BRD1: variants seen among roughly 807,000 people sequenced by gnomAD.
The protein encoded by BRD1 is bromodomain-containing protein 1.
Under a neutral mutation model 107.7 loss-of-function variants are expected in BRD1, and 24 were observed. The observed-to-expected ratio is 0.22, with a 90% CI of 0.16 to 0.31. The LOEUF is 0.31. Among genes scored for constraint, BRD1 ranks in the 10% least tolerant of loss-of-function variants. BRD1 has a pLI of 1.00. For synonymous variants in BRD1, 744 were observed against 686.1 expected (o/e 1.08, Z -1.32); for missense variants, 1,279 against 1,638.6 (o/e 0.78, Z 3.79).
At chr22:49,780,555 C>G (rs1345055219) in intron 8 of BRD1, among the ~76,000 whole-genome samples, 4 of 152,082 alleles carry the variant, frequency 2.6e-5, no homozygotes, top group African/African-American at 9.7e-5. Flanking sequence ...AGCCAAGAAG[C>G]CAGACCAGGA....
At chr22:49,820,437 C>A (rs983191795) in intron 2 of BRD1, among the ~76,000 whole-genome samples, 1 of 152,046 alleles carries the variant, frequency 6.6e-6, no homozygotes, top group Non-Finnish European at 1.5e-5. Flanking sequence ...GGCTGCACAT[C>A]AAGAAGCTTC....
rs975276999 is a variant in BRD1, at chr22:49,821,723, C to T, written c.1367+1228G>A. On this transcript the variant is annotated intron_variant, in intron 2 of 12. Coordinates refer to ENST00000404760, the MANE Select transcript of BRD1 (RefSeq NM_001304808.3). The stretch of plus-strand genomic sequence containing the variant: ...CGCCCGATGCAGCTCAGCCTGCATG[C>T]GTCCCACCTGTGCTGTCCTCCCCTC... Among the ~76,000 whole-genome samples, 4 of 152,308 alleles carry T rather than the reference C, an allele frequency of 2.6e-5. No homozygotes were observed. In the South Asian group the frequency reaches 6.2e-4, roughly 24 times the overall value.
At position 49,792,001 on chromosome 22, in the gene BRD1, T is replaced by C. The variant is rs114164703; in HGVS notation, c.2359+2033A>G. On this transcript the variant is annotated intron_variant, in intron 7 of 12. Transcript: ENST00000404760. This position sits in a 1 kb window ranked among gnomAD's most constrained non-coding sequence, Gnocchi z 4.2. ...GAGCTACAAAGCAACAAAAATGGTC[T>C]CCAAAGGCTCCTGCTAAGCGTTGGG... 0.028 allele frequency among the ~76,000 whole-genome samples: 4,320 copies of C among 152,154 alleles called. 225 individuals are homozygous for C. Among genetic ancestry groups the C allele is most frequent in the African/African-American group, 0.099 (4,104 of 41,482 alleles).
Position 49,824,059 on chromosome 22 carries a change from A to C in BRD1, c.259T>G (p.Leu87Val), listed in dbSNP as rs2060118741. The C allele has an allele frequency of 6.2e-7, 1 of 1,613,980 alleles. No individual in the cohort carries two copies. Among genetic ancestry groups the C allele is most frequent in the Non-Finnish European group, 8.5e-7 (1 of 1,180,038 alleles). Residue 87 changes from leucine (L) to valine (V), a missense_variant, in exon 2 of 13, where the codon TTA (leucine) becomes GTA (valine). This residue lies in a region of BRD1 where 223 missense variants were observed against 263.5 expected (regional missense o/e 0.85). Coordinates refer to ENST00000404760, the MANE Select transcript of BRD1 (RefSeq NM_001304808.3). The surrounding 1 kb of genome is among the most constrained non-coding windows in gnomAD (Gnocchi z 5.9). ...KENSERPPVC[L>V]RTKRHKNNRV... is the part of the protein sequence containing the mutation. ...TTGTTTTTGTGACGCTTAGTTCTTA[A>C]GCAGACAGGAGGCCGCTCGCTGTTT...
intron 5 of BRD1, 32 bp from the exon 6 acceptor site, chr22:49,798,149 A>G: frequency 6.4e-7 from 1 of 1,553,970 alleles, no homozygotes; most frequent in Non-Finnish European, 8.8e-7. Flanking sequence ...AATCATTTAC[A>G]AACTAAAACA....
intron 2 of BRD1, among the ~76,000 whole-genome samples, chr22:49,809,253 A>G (rs2059804029): frequency 6.6e-6 from 1 of 151,962 alleles, no homozygotes; most frequent in Non-Finnish European, 1.5e-5. Flanking sequence ...TTAAAATTCC[A>G]GTTTTAGGCC....
chr22:49,796,610 G>A (rs554188634), intron 6 of BRD1, among the ~76,000 whole-genome samples: 3 of 152,270 alleles, frequency 2.0e-5, no homozygotes, highest in East Asian at 1.9e-4. Context: ...CACCCGCCTC[G>A]GTATCCCAAA....
intron 9 of BRD1, 139 bp downstream of exon 9, chr22:49,777,538 AG>A: frequency 8.6e-6 from 10 of 1,156,288 alleles, no homozygotes; most frequent in Non-Finnish European, 1.2e-5. Flanking sequence ...CCACAAGGGC[AG>A]AGCACACATG....
intron 2 of BRD1, among the ~76,000 whole-genome samples, chr22:49,808,043 G>C (rs1177787502): frequency 6.6e-6 from 1 of 152,184 alleles, no homozygotes; most frequent in Non-Finnish European, 1.5e-5. Flanking sequence ...AAAAATGTTG[G>C]TAAGGATGTG....
intron 8 of BRD1, among the ~76,000 whole-genome samples, chr22:49,785,605 A>G (rs1055246460): frequency 2.6e-5 from 4 of 152,374 alleles, no homozygotes; most frequent in Non-Finnish European, 1.5e-5. Context: ...TGAGTCAAGG[A>G]CATCTATTCT....
At chr22:49,822,501 C>T (rs1038376829) in intron 2 of BRD1, among the ~76,000 whole-genome samples, 1 of 149,962 alleles carries the variant, frequency 6.7e-6, no homozygotes, top group Non-Finnish European at 1.5e-5. Context: ...TGAGGTCAGG[C>T]GTTTGAGACC....
chr22:49,823,027 T>C lies in BRD1; in HGVS notation c.1291A>G (p.Lys431Glu). The change falls in exon 2 of 13, where the codon AAA (lysine) becomes GAA (glutamate). Residue 431 changes from lysine to glutamate, a missense_variant. Coordinates refer to ENST00000404760, the MANE Select transcript of BRD1 (RefSeq NM_001304808.3). Reference protein sequence around the residue: ...RSTSKVRKKAKKAKKALAEPC... With the variant: ...RSTSKVRKKAEKAKKALAEPC... ...TCAGCCAGAGCTTTCTTAGCCTTTTTTGCCTTCTTCCTGACCTTGGATGTG... is the reference window on the plus strand; with the variant it reads ...TCAGCCAGAGCTTTCTTAGCCTTTTCTGCCTTCTTCCTGACCTTGGATGTG... 1 of 1,614,244 alleles carries C rather than the reference T, an allele frequency of 6.2e-7. No homozygotes were observed. The highest frequency in any genetic ancestry group is 8.5e-7 in the Non-Finnish European group (1 of 1,180,048).
At chr22:49,818,399 A>C (rs918369659) in intron 2 of BRD1, 1 of 1,169,370 alleles carries the variant, frequency 8.6e-7, no homozygotes, top group South Asian at 1.6e-5. Context: ...AGTTTTGTTA[A>C]ACAGATTATG....
intron 12 of BRD1, 119 bp from the exon 13 acceptor site, chr22:49,774,535 A>G: frequency 8.8e-7 from 1 of 1,136,556 alleles, no homozygotes. Context: ...GCTCAGCACC[A>G]CCAAGACAGC....
intron 2 of BRD1, among the ~76,000 whole-genome samples, chr22:49,822,552 A>G (rs1252758538): frequency 6.6e-6 from 1 of 151,860 alleles, no homozygotes; most frequent in Non-Finnish European, 1.5e-5. Flanking sequence ...TACTTAAAAA[A>G]TACAAAAATT....
chr22:49,774,447 A>G, intron 12 of BRD1, 31 bp from the exon 13 acceptor site: 1 of 1,593,110 alleles, frequency 6.3e-7, no homozygotes, highest in Non-Finnish European at 8.6e-7. Context: ...GCGGAAAATC[A>G]TTGCTTGCAC....
intron 8 of BRD1, 146 bp from the exon 9 acceptor site, chr22:49,777,959 C>A: frequency 1.7e-6 from 2 of 1,168,290 alleles, no homozygotes; most frequent in South Asian, 3.2e-5. Flanking sequence ...CCCAAGTTCC[C>A]GAGCATAGTC....
rs2060127936 is a variant in BRD1 at position 49,824,732 on chromosome 22, G to A, written c.-14-401C>T. The A allele has an allele frequency of 1.9e-6, 2 of 1,059,206 alleles. No individual in the cohort carries two copies. The highest frequency in any genetic ancestry group is 1.1e-6 in the Non-Finnish European group (1 of 874,200). 65.6% of individuals were successfully genotyped at this position (1,059,206 alleles called of 1,614,324 possible). ...GTCCCCCAGGAAGTCCACATACAGG[G>A]CTGGACCCCACCAGGCACAGAGGCT... On this transcript the variant is annotated intron_variant, in intron 1 of 12. Coordinates refer to ENST00000404760, the MANE Select transcript of BRD1 (RefSeq NM_001304808.3). This position sits in a 1 kb window ranked among gnomAD's most constrained non-coding sequence, Gnocchi z 5.9.
Position 49,823,293 on chromosome 22 carries a change from T to C in BRD1, c.1025A>G (p.His342Arg). Reference protein sequence around the residue: ...QKGVGACIQCHKANCYTAFHV... With the variant: ...QKGVGACIQCRKANCYTAFHV... ...GAATGCTGTGTAGCAGTTTGCTTTG[T>C]GGCACTGGATGCAGGCACCCACGCC... The change falls in exon 2 of 13, where the codon CAC (histidine) becomes CGC (arginine). Residue 342 changes from histidine to arginine, a missense_variant. This residue lies in a region of BRD1 where 158 missense variants were observed against 310.2 expected (regional missense o/e 0.51). Coordinates refer to ENST00000404760, the MANE Select transcript of BRD1 (RefSeq NM_001304808.3). 1.2e-6 allele frequency: 2 copies of C among 1,614,216 alleles called. No homozygotes were observed. The highest frequency in any genetic ancestry group is 1.7e-6 in the Non-Finnish European group (2 of 1,180,040).
Sources: gnomAD v4.1 joint callset for allele counts (sites outside exome capture counted in the v4.1 genomes callset) on GRCh38, gnomAD v4.1.1 for gene constraint, gnomAD v4.1.1 regional missense constraint, Gnocchi (gnomAD v3.1) non-coding constraint, MANE v1.5 for transcripts, NCBI Gene and HGNC (gene_info 2026-07-23, HGNC 2026-07-21) for gene names.